PDLIM1: variants seen among roughly 807,000 people sequenced by gnomAD.
PDLIM1 encodes PDZ and LIM domain protein 1.
PDLIM1 carries 25 observed loss-of-function variants against 35.2 expected under a neutral mutation model. The observed-to-expected ratio is 0.71, with a 90% CI of 0.52 to 0.99. The LOEUF (loss-of-function observed/expected upper bound fraction) is 0.99. Ranked by LOEUF, PDLIM1 falls within the 50% of genes least tolerant of loss-of-function variation. PDLIM1 has a pLI of 0.00. For missense variants in PDLIM1, 363 were observed against 415.3 expected, an observed-to-expected ratio of 0.87 and a Z score of 1.09; for synonymous variants, 152 against 154.0, an observed-to-expected ratio of 0.99 and a Z score of 0.10.
At position 95,286,282 on chromosome 10, in the gene PDLIM1, A is replaced by T. The variant is rs1201497435; in HGVS notation, c.96+4538T>A. Among the ~76,000 whole-genome samples the T allele has an allele frequency of 7.9e-5, 12 of 151,748 alleles. No homozygotes were observed. In the South Asian group the frequency reaches 2.3e-3, roughly 29 times the overall value. On this transcript the variant is annotated intron_variant, in intron 1 of 6. Transcript: ENST00000329399. ...TGAGGCACAAGAATCGCTTGAACCC[A>T]GGGGGTGGAGGTTGCAGTGAGCCGA...
At chr10:95,250,113 C>T (rs2035255328) in intron 4 of PDLIM1, among the ~76,000 whole-genome samples, 1 of 152,178 alleles carries the variant, frequency 6.6e-6, no homozygotes, top group African/African-American at 2.4e-5. Context: ...GAGTTTGGAA[C>T]TTGCCCCATA....
At chr10:95,285,345 G>A (rs2035593496) in intron 1 of PDLIM1, among the ~76,000 whole-genome samples, 1 of 152,214 alleles carries the variant, frequency 6.6e-6, no homozygotes, top group African/African-American at 2.4e-5. Flanking sequence ...GTGGAGCCCA[G>A]GAGTGTCTTA....
At chr10:95,250,137 A>G (rs563018437) in intron 4 of PDLIM1, among the ~76,000 whole-genome samples, 4 of 152,282 alleles carry the variant, frequency 2.6e-5, no homozygotes, top group African/African-American at 9.6e-5. Flanking sequence ...AGCATATTAC[A>G]TTATTTTTGG....
chr10:95,267,436 G>A (rs2035425799), intron 3 of PDLIM1, among the ~76,000 whole-genome samples: 1 of 152,180 alleles, frequency 6.6e-6, no homozygotes, highest in Non-Finnish European at 1.5e-5. Context: ...GAAACTAACT[G>A]TGGCATGTTT....
chr10:95,238,401 C>T (rs1202883434), intron 6 of PDLIM1, among the ~76,000 whole-genome samples, 167 bp downstream of exon 6: 2 of 152,234 alleles, frequency 1.3e-5, no homozygotes, highest in African/African-American at 2.4e-5. Context: ...GGAAAACCTT[C>T]ACAACCTGGC....
chr10:95,241,094 G>T (rs1242207603), intron 5 of PDLIM1, among the ~76,000 whole-genome samples: 1 of 152,110 alleles, frequency 6.6e-6, no homozygotes, highest in African/African-American at 2.4e-5. Context: ...ATGAAGAGAG[G>T]GTCACCCCAT....
chr10:95,253,444 G>A (rs768270054), intron 4 of PDLIM1, among the ~76,000 whole-genome samples: 1 of 152,092 alleles, frequency 6.6e-6, no homozygotes, highest in East Asian at 1.9e-4. Context: ...CACCTGAGGT[G>A]AGGAGTTCAA....
intron 5 of PDLIM1, among the ~76,000 whole-genome samples, chr10:95,246,611 G>C (rs2035223508): frequency 6.6e-6 from 1 of 152,172 alleles, no homozygotes; most frequent in African/African-American, 2.4e-5. Flanking sequence ...GATAATCTTA[G>C]AGGAAAGGAG....
intron 2 of PDLIM1, among the ~76,000 whole-genome samples, chr10:95,269,912 G>A (rs1016490235): frequency 6.6e-6 from 1 of 151,772 alleles, no homozygotes; most frequent in Admixed American, 6.6e-5. Flanking sequence ...ATTTTTTTGT[G>A]TTTTTGTAGA....
intron 5 of PDLIM1, among the ~76,000 whole-genome samples, chr10:95,239,677 T>A (rs1258617849): frequency 2.0e-5 from 3 of 152,158 alleles, no homozygotes; most frequent in Non-Finnish European, 2.9e-5. Context: ...GCACCTATAG[T>A]TCCAGCTACT....
At position 95,263,975 on chromosome 10, in the gene PDLIM1, G is replaced by C. The variant is rs2035388927; in HGVS notation, c.422C>G (p.Thr141Arg). The stretch of plus-strand genomic sequence containing the variant: ...GCCAGCTGGGTTGTTGTACTGGTTT[G>C]TGATGACCCTGGCAGTAGTGCTGGA... The part of the protein sequence containing the change: ...PASSTTARVI[T>R]NQYNNPAGLY... Residue 141 changes from threonine (T) to arginine (R), a missense_variant, in exon 4 of 7, where the codon ACA (threonine) becomes AGA (arginine). Physicochemically the swap from Thr to Arg is moderately conservative, Grantham distance 71 (BLOSUM62 -1). Coordinates refer to ENST00000329399, the MANE Select transcript of PDLIM1 (RefSeq NM_020992.4). 1 of 1,613,886 alleles carries C rather than the reference G, an allele frequency of 6.2e-7. No homozygotes were observed.
chr10:95,272,556 C>T (rs2035474377), intron 1 of PDLIM1, among the ~76,000 whole-genome samples: 1 of 152,046 alleles, frequency 6.6e-6, no homozygotes, highest in African/African-American at 2.4e-5. Context: ...CTCAGCTATT[C>T]AGGAGGCTGA....
intron 4 of PDLIM1, 64 bp from the exon 5 acceptor site, chr10:95,247,430 ACCT>A: frequency 7.3e-7 from 1 of 1,363,274 alleles, no homozygotes; most frequent in Non-Finnish European, 1.0e-6. Flanking sequence ...TTCACCAGGA[ACCT>A]CCTCCAGGCA....
At chr10:95,280,394 T>G (rs1198531788) in intron 1 of PDLIM1, among the ~76,000 whole-genome samples, 2 of 152,110 alleles carry the variant, frequency 1.3e-5, no homozygotes, top group Admixed American at 6.5e-5. Flanking sequence ...AAAAAAAAAT[T>G]TAAAAACTCT....
chr10:95,239,407 G>A (rs1422407280), intron 5 of PDLIM1, among the ~76,000 whole-genome samples: 4 of 152,144 alleles, frequency 2.6e-5, no homozygotes, highest in South Asian at 4.1e-4. Flanking sequence ...TCAAAATGAA[G>A]AGACAACCCA....
At chr10:95,246,207 G>C (rs1182996090) in intron 5 of PDLIM1, among the ~76,000 whole-genome samples, 1 of 152,240 alleles carries the variant, frequency 6.6e-6, no homozygotes, top group East Asian at 1.9e-4. Context: ...CTGCCCATGA[G>C]CATCACAGGA....
At chr10:95,260,125 G>A (rs950476873) in intron 4 of PDLIM1, among the ~76,000 whole-genome samples, 4 of 152,232 alleles carry the variant, frequency 2.6e-5, no homozygotes, top group Admixed American at 2.0e-4. Context: ...CAGGGGCCAG[G>A]CACTGTGCTG....
chr10:95,242,348 T>G (rs2035185899), intron 5 of PDLIM1, among the ~76,000 whole-genome samples: 1 of 152,082 alleles, frequency 6.6e-6, no homozygotes, highest in Non-Finnish European at 1.5e-5. Context: ...CATTTAAATG[T>G]CATTTTTTTT....
rs1053050775 is a variant in PDLIM1, at chr10:95,280,579, T to C, written c.97-8795A>G. 1.3e-4 allele frequency among the ~76,000 whole-genome samples: 20 copies of C among 152,288 alleles called. No homozygotes were observed. The East Asian group carries it at 2.5e-3, about 19-fold the overall frequency. On this transcript the variant is annotated intron_variant, in intron 1 of 6. Transcript: ENST00000329399. ...CACCCCATTTCATTCGCAGAAGTACTCCAGCCTGGATAATAAACAGTACTG... is the reference window on the plus strand; with the variant it reads ...CACCCCATTTCATTCGCAGAAGTACCCCAGCCTGGATAATAAACAGTACTG...
Sources: allele counts gnomAD v4.1 joint callset (sites outside exome capture counted in the v4.1 genomes callset), GRCh38; gene constraint gnomAD v4.1.1; transcripts MANE v1.5; gene names NCBI Gene and HGNC (gene_info 2026-07-23, HGNC 2026-07-21).